Variants in KIAA1217 observed in about 807,000 individuals in gnomAD.
KIAA1217 encodes sickle tail protein homolog.
In KIAA1217, 88 loss-of-function variants were observed where a neutral mutation model predicts 163.9. The observed-to-expected ratio is 0.54, with a 90% CI of 0.45 to 0.64. KIAA1217 has a LOEUF of 0.64. Ranked by LOEUF, KIAA1217 falls within the 30% of genes least tolerant of loss-of-function variation. The pLI is 0.00. For missense variants in KIAA1217, 2,372 were observed against 2,475.0 expected (o/e 0.96, Z 0.88); for synonymous variants, 903 against 923.1 (o/e 0.98, Z 0.39).
At chr10:24,529,446 C>T (rs2134964073) in intron 14 of KIAA1217, among the ~76,000 whole-genome samples, 1 of 152,188 alleles carries the variant, frequency 6.6e-6, no homozygotes, top group Non-Finnish European at 1.5e-5. Flanking sequence ...TAGTACTTGG[C>T]ACAAGGCAAA....
chr10:24,544,019 C>T lies in KIAA1217; in HGVS notation c.4749C>T (p.Ala1583=), dbSNP rs745602761. The change falls in exon 19 of 21, where the codon GCC becomes GCT. Residue 1583 remains alanine, a synonymous_variant. Coordinates refer to ENST00000376454, the MANE Select transcript of KIAA1217 (RefSeq NM_019590.5). Reference sequence around the variant, plus strand: ...TCAAATTCCCTAAGAAGCAACTCGCCGCTCTCACTCAAGCCATTCGCACCG... The same window carrying T: ...TCAAATTCCCTAAGAAGCAACTCGCTGCTCTCACTCAAGCCATTCGCACCG... ...FKFKFPKKQL[A]ALTQAIRTGT... 1.1e-5 allele frequency: 17 copies of T among 1,614,094 alleles called. No individual in the cohort carries two copies. Among genetic ancestry groups the T allele is most frequent in the South Asian group, 4.4e-5 (4 of 91,070 alleles).
At chr10:24,182,588 G>A (rs1315104674) in intron 2 of KIAA1217, among the ~76,000 whole-genome samples, 1 of 152,126 alleles carries the variant, frequency 6.6e-6, no homozygotes, top group Non-Finnish European at 1.5e-5. Flanking sequence ...ATTTATGTTG[G>A]TCCTTTGGTT....
chr10:24,089,379 G>C (rs181967539), intron 2 of KIAA1217, among the ~76,000 whole-genome samples: 2 of 125,294 alleles, frequency 1.6e-5, no homozygotes, highest in Non-Finnish European at 2.0e-5. Context: ...CCATGCCTAT[G>C]TCCCGAATGG....
chr10:24,341,377 G>T (rs1006757497), intron 2 of KIAA1217, among the ~76,000 whole-genome samples: 2 of 150,796 alleles, frequency 1.3e-5, no homozygotes, highest in Non-Finnish European at 3.0e-5. Flanking sequence ...TTTCTCTTCC[G>T]GTCCTAAAAA....
intron 2 of KIAA1217, among the ~76,000 whole-genome samples, chr10:24,133,049 C>T (rs2063710112): frequency 6.7e-6 from 1 of 149,886 alleles, no homozygotes; most frequent in Non-Finnish European, 1.5e-5. Context: ...AATGAGGATG[C>T]ATCTAATATG....
At chr10:24,161,706 C>T (rs958105578) in intron 2 of KIAA1217, among the ~76,000 whole-genome samples, 1 of 152,228 alleles carries the variant, frequency 6.6e-6, no homozygotes, top group African/African-American at 2.4e-5. Context: ...CCCTTCCTTA[C>T]CACACCAGCC....
In KIAA1217 at chr10:24,544,139, C is replaced by A; in HGVS notation, c.4869C>A (p.Phe1623Leu). The change falls in exon 19 of 21, where the codon TTC becomes TTA. Residue 1623 changes from phenylalanine to leucine, a missense_variant. Around this residue, in one of 3 missense-constraint regions of KIAA1217, gnomAD observed 690 missense variants for 677.5 expected, o/e 1.02. Transcript: ENST00000376454. ...AACAGCACAAAGAAGCCAAGCGCTTCGAAATCGCTAGGTCTCAACCTGAAG... is the reference window on the plus strand; with the variant it reads ...AACAGCACAAAGAAGCCAAGCGCTTAGAAATCGCTAGGTCTCAACCTGAAG... The part of the protein sequence containing the change: ...TLKQHKEAKR[F>L]EIARSQPEDT... The A allele has an allele frequency of 6.2e-7, 1 of 1,614,044 alleles. No individual in the cohort carries two copies. Among genetic ancestry groups the A allele is most frequent in the Non-Finnish European group, 8.5e-7 (1 of 1,180,022 alleles).
At chr10:24,114,417 A>AT (rs936734665) in intron 2 of KIAA1217, among the ~76,000 whole-genome samples, 1 of 152,102 alleles carries the variant, frequency 6.6e-6, no homozygotes, top group Non-Finnish European at 1.5e-5. Context: ...CCAAGTGATA[A>AT]TTTTTTGCAG....
At chr10:23,740,698 T>C (rs1839058574) in intron 1 of KIAA1217, among the ~76,000 whole-genome samples, 1 of 152,096 alleles carries the variant, frequency 6.6e-6, no homozygotes. Flanking sequence ...CACCCAGGTC[T>C]GTCTCAGAGG....
intron 5 of KIAA1217, among the ~76,000 whole-genome samples, chr10:24,452,885 A>G (rs1242914556): frequency 4.6e-5 from 7 of 152,202 alleles, no homozygotes; most frequent in African/African-American, 7.2e-5. Context: ...TGCTGTATCA[A>G]AATATCTCAT....
intron 2 of KIAA1217, among the ~76,000 whole-genome samples, chr10:24,044,902 C>A (rs888147780): frequency 6.6e-6 from 1 of 152,028 alleles, no homozygotes; most frequent in African/African-American, 2.4e-5. Context: ...AGATGCTTTT[C>A]TCTGCATTCC....
chr10:23,944,342 A>G (rs755480386), intron 1 of KIAA1217, among the ~76,000 whole-genome samples: 1 of 148,390 alleles, frequency 6.7e-6, no homozygotes, highest in Non-Finnish European at 1.5e-5. Flanking sequence ...GGAGAATCAC[A>G]TGAGCCTCAG....
At chr10:23,849,028 C>T (rs1839178912) in intron 1 of KIAA1217, among the ~76,000 whole-genome samples, 1 of 151,900 alleles carries the variant, frequency 6.6e-6, no homozygotes, top group Non-Finnish European at 1.5e-5. Context: ...CTGGCACAGT[C>T]CTAGGACAAA....
intron 2 of KIAA1217, among the ~76,000 whole-genome samples, chr10:24,356,197 A>G (rs1222188695): frequency 6.6e-6 from 1 of 152,108 alleles, no homozygotes; most frequent in Non-Finnish European, 1.5e-5. Context: ...AGTTTGCTTC[A>G]TTTGTGCTTC....
intron 9 of KIAA1217, among the ~76,000 whole-genome samples, chr10:24,508,478 A>G (rs1377200093): frequency 6.6e-6 from 1 of 152,214 alleles, no homozygotes; most frequent in Non-Finnish European, 1.5e-5. Flanking sequence ...TGTACTGAAG[A>G]TTGTAGCAAG....
chr10:24,477,585 T>C (rs2064182482), intron 6 of KIAA1217, among the ~76,000 whole-genome samples: 1 of 152,252 alleles, frequency 6.6e-6, no homozygotes, highest in South Asian at 2.1e-4. Context: ...CAGGACTAGA[T>C]GCTAAGTAAC....
chr10:24,162,287 C>G (rs552001766), intron 2 of KIAA1217, among the ~76,000 whole-genome samples: 1 of 152,312 alleles, frequency 6.6e-6, no homozygotes, highest in South Asian at 2.1e-4. Flanking sequence ...GGAAGTCTGC[C>G]TAAAGCCATG....
At chr10:24,175,595 C>A (rs1171392065) in intron 2 of KIAA1217, among the ~76,000 whole-genome samples, 2 of 152,060 alleles carry the variant, frequency 1.3e-5, no homozygotes, top group African/African-American at 2.4e-5. Flanking sequence ...TTGGTGGGTT[C>A]TTGGGCTCAC....
intron 2 of KIAA1217, among the ~76,000 whole-genome samples, chr10:24,353,538 A>G (rs2048715616): frequency 6.6e-6 from 1 of 152,064 alleles, no homozygotes; most frequent in Non-Finnish European, 1.5e-5. Context: ...TCACTCATGA[A>G]CTGCAGTTGT....
Sources: gnomAD v4.1 joint callset for allele counts (sites outside exome capture counted in the v4.1 genomes callset) on GRCh38, gnomAD v4.1.1 for gene constraint, gnomAD v4.1.1 regional missense constraint, MANE v1.5 for transcripts, NCBI Gene and HGNC (gene_info 2026-07-23, HGNC 2026-07-21) for gene names.